CACNA2D3: variants seen among roughly 807,000 people sequenced by gnomAD.
CACNA2D3 encodes the protein voltage-dependent calcium channel subunit alpha-2/delta-3.
CACNA2D3 carries 60 observed loss-of-function variants against 160.6 expected under a neutral mutation model. That is an observed-to-expected ratio of 0.37 (90% CI 0.30 to 0.46). The LOEUF is 0.46. CACNA2D3 is among the 20% of genes least tolerant of loss of function. The pLI is 1.00. For synonymous variants in CACNA2D3, 558 were observed against 492.9 expected (o/e 1.13, Z -1.75); for missense variants, 1,205 against 1,365.0 (o/e 0.88, Z 1.85).
chr3:54,245,229 AATTT>A (rs1160198328), intron 2 of CACNA2D3, among the ~76,000 whole-genome samples: 3 of 151,952 alleles, frequency 2.0e-5, no homozygotes, highest in Non-Finnish European at 2.9e-5. Flanking sequence ...TTTTTTAAAA[AATTT>A]AAATTTAATT....
At chr3:54,968,295 T>A (rs930731318) in intron 27 of CACNA2D3, among the ~76,000 whole-genome samples, 155 bp from the exon 28 acceptor site, 1 of 152,236 alleles carries the variant, frequency 6.6e-6, no homozygotes, top group Non-Finnish European at 1.5e-5. Flanking sequence ...ATTCTTTACC[T>A]GAAAGATAAA....
chr3:55,037,354 T>C lies in CACNA2D3; in HGVS notation c.2987+19037T>C, dbSNP rs138639200. On this transcript the variant is annotated intron_variant, in intron 35 of 37. Transcript: ENST00000474759. ...AACCTACAGCTTAAAGTTGAACTTA[T>C]GGAAAATGAGTGGCAGTTAAAATGG... Among the ~76,000 whole-genome samples the C allele has an allele frequency of 7.9e-4, 121 of 152,286 alleles. 1 individual carries two copies. In the East Asian group the frequency reaches 0.022, roughly 28 times the overall value.
At chr3:54,751,525 G>A (rs1015476560) in intron 11 of CACNA2D3, among the ~76,000 whole-genome samples, 2 of 152,110 alleles carry the variant, frequency 1.3e-5, no homozygotes, top group East Asian at 3.9e-4. Flanking sequence ...TCAGGGCCCA[G>A]CCAGGTAAAG....
chr3:54,210,632 G>A (rs769084736), intron 2 of CACNA2D3, among the ~76,000 whole-genome samples: 1 of 152,118 alleles, frequency 6.6e-6, no homozygotes, highest in Non-Finnish European at 1.5e-5. Flanking sequence ...AGTGAAATGC[G>A]GGCCATCATG....
At chr3:54,997,686 C>T (rs1409958584) in intron 31 of CACNA2D3, among the ~76,000 whole-genome samples, 1 of 152,134 alleles carries the variant, frequency 6.6e-6, no homozygotes, top group Non-Finnish European at 1.5e-5. Context: ...TGTGCCACTG[C>T]ACTGAAGCCT....
intron 4 of CACNA2D3, among the ~76,000 whole-genome samples, chr3:54,469,459 A>G (rs1700689348): frequency 1.3e-5 from 2 of 152,242 alleles, no homozygotes; most frequent in African/African-American, 4.8e-5. Flanking sequence ...TGATAAATCC[A>G]TGAAGATGAG....
rs138292496 is a variant in CACNA2D3, at chr3:54,197,528, T to G, written c.204+73934T>G. 8.5e-5 allele frequency: 13 copies of G among 152,352 alleles called. No individual in the cohort carries two copies. In the East Asian group the frequency reaches 2.1e-3, roughly 25 times the overall value. 9.4% of individuals were successfully genotyped at this position (152,352 alleles called of 1,614,324 possible). The stretch of plus-strand genomic sequence containing the variant: ...TCGAAGTGAGTTTTAATTTTTATTT[T>G]TGGTACCATCTTCTTTCTCTGGTTT... On this transcript the variant is annotated intron_variant, in intron 2 of 37. Coordinates refer to ENST00000474759, the MANE Select transcript of CACNA2D3 (RefSeq NM_018398.3).
chr3:54,570,176 G>A, intron 8 of CACNA2D3, 72 bp downstream of exon 8: 2 of 1,461,728 alleles, frequency 1.4e-6, no homozygotes, highest in Non-Finnish European at 1.9e-6. Context: ...GGTTAACATT[G>A]CTCTCGCTGT....
intron 3 of CACNA2D3, among the ~76,000 whole-genome samples, chr3:54,383,877 C>T (rs1424596834): frequency 6.6e-6 from 1 of 152,094 alleles, no homozygotes; most frequent in African/African-American, 2.4e-5. Context: ...TTGTTACCTA[C>T]TTTGTATTGC....
At position 54,627,863 on chromosome 3, in the gene CACNA2D3, A is replaced by G. The variant is rs35593475; in HGVS notation, c.1040A>G (p.Asn347Ser). The G allele has an allele frequency of 2.8e-4, 446 of 1,600,824 alleles. No individual in the cohort carries two copies. Among genetic ancestry groups the G allele is most frequent in the Non-Finnish European group, 3.5e-4 (411 of 1,171,604 alleles). The part of the protein sequence containing the change: ...MLDIALNEAF[N>S]ILSDFNHTGQ... ...GATATAGCTCTGAATGAGGCCTTCA[A>G]CATTCTGAGTGATGTAAGTTCCTCT... The change falls in exon 10 of 38, where the codon AAC becomes AGC. Residue 347 changes from asparagine (N) to serine (S), a missense_variant. By Grantham distance (46) the Asn-to-Ser change is conservative (BLOSUM62 1). Around this residue, in one of 3 missense-constraint regions of CACNA2D3, gnomAD observed 911 missense variants for 1,002.2 expected, o/e 0.91. Transcript: ENST00000474759.
chr3:54,927,123 ATTGT>A (rs370175038), intron 27 of CACNA2D3, among the ~76,000 whole-genome samples: 146 of 152,286 alleles, frequency 9.6e-4, no homozygotes, highest in African/African-American at 5.1e-4. Flanking sequence ...TGTTTGATTG[ATTGT>A]TTGCTTGCTT....
At chr3:54,831,957 C>A (rs1424657813) in intron 14 of CACNA2D3, among the ~76,000 whole-genome samples, 2 of 151,528 alleles carry the variant, frequency 1.3e-5, no homozygotes, top group Admixed American at 6.6e-5. Flanking sequence ...CAGGTACCCT[C>A]CCGCCCTTTC....
At chr3:54,749,152 G>A (rs902112729) in intron 11 of CACNA2D3, among the ~76,000 whole-genome samples, 1 of 152,038 alleles carries the variant, frequency 6.6e-6, no homozygotes, top group Non-Finnish European at 1.5e-5. Flanking sequence ...TTTGTAAAAT[G>A]GTATAAAATT....
chr3:55,058,928 C>T (rs754602479), intron 35 of CACNA2D3, among the ~76,000 whole-genome samples: 7 of 152,108 alleles, frequency 4.6e-5, no homozygotes, highest in African/African-American at 7.2e-5. Context: ...TTCCCCTCCC[C>T]GCCGCCGCTC....
intron 5 of CACNA2D3, among the ~76,000 whole-genome samples, chr3:54,535,168 TATC>T (rs747380016): frequency 7.9e-5 from 12 of 152,216 alleles, no homozygotes; most frequent in Non-Finnish European, 1.3e-4. Flanking sequence ...ACAGCATCAA[TATC>T]ATCTGGGAAC....
chr3:54,919,663 C>G (rs990117771), intron 27 of CACNA2D3, among the ~76,000 whole-genome samples: 1 of 152,186 alleles, frequency 6.6e-6, no homozygotes, highest in African/African-American at 2.4e-5. Flanking sequence ...AGACTGAAGT[C>G]TAGTCTAGTG....
chr3:54,625,780 C>T (rs1383809829), intron 9 of CACNA2D3, among the ~76,000 whole-genome samples: 1 of 152,214 alleles, frequency 6.6e-6, no homozygotes, highest in East Asian at 1.9e-4. Context: ...GGGGCTCCTA[C>T]TGCTTCTGAG....
chr3:54,425,155 C>T (rs1204470263), intron 4 of CACNA2D3, among the ~76,000 whole-genome samples: 1 of 152,156 alleles, frequency 6.6e-6, no homozygotes, highest in Non-Finnish European at 1.5e-5. Flanking sequence ...TGTGGTGAAA[C>T]CCCGCCTTTA....
In CACNA2D3 at chr3:54,122,802, T is replaced by A; in HGVS notation, c.89T>A (p.Val30Glu). 2 of 1,230,776 alleles carry A rather than the reference T, an allele frequency of 1.6e-6. No homozygotes were observed. Among genetic ancestry groups the A allele is most frequent in the South Asian group, 4.1e-5 (1 of 24,246 alleles). The allele number at this position is 1,230,776 out of a possible 1,614,324, so 76.2% of individuals were successfully genotyped here. The change falls in exon 1 of 38, where the codon GTG (valine) becomes GAG (glutamate). Residue 30 changes from valine (V) to glutamate (E), a missense_variant. This residue lies in a region of CACNA2D3 where 163 missense variants were observed against 161.3 expected (regional missense o/e 1.01). Coordinates refer to ENST00000474759, the MANE Select transcript of CACNA2D3 (RefSeq NM_018398.3). ...CTTCTCTACGCCGCGCTGGGGGACG[T>A]GGTGCGCTCGGAGCAGCAGATACCG... The part of the protein sequence containing the change: ...AALLYAALGD[V>E]VRSEQQIPLS...
Sources: gnomAD v4.1 joint callset for allele counts (sites outside exome capture counted in the v4.1 genomes callset) on GRCh38, gnomAD v4.1.1 for gene constraint, gnomAD v4.1.1 regional missense constraint, MANE v1.5 for transcripts, NCBI Gene and HGNC (gene_info 2026-07-23, HGNC 2026-07-21) for gene names.